SUGCT: variants seen among roughly 807,000 people sequenced by gnomAD.
SUGCT encodes the protein succinyl-CoA:glutarate CoA-transferase.
SUGCT carries 41 observed loss-of-function variants against 55.0 expected under a neutral mutation model. That is an observed-to-expected ratio of 0.74 (90% CI 0.58 to 0.97). SUGCT has a LOEUF of 0.97. Among genes scored for constraint, SUGCT ranks in the 50% least tolerant of loss-of-function variants. The pLI, the probability that SUGCT is intolerant of heterozygous loss-of-function variation, is 0.00. For synonymous variants in SUGCT, 187 were observed against 200.4 expected, an observed-to-expected ratio of 0.93 and a Z score of 0.56; for missense variants, 568 against 547.8, an observed-to-expected ratio of 1.04 and a Z score of -0.37.
At chr7:40,975,517 C>T in the SUGCT span, among the ~76,000 whole-genome samples, 6 of 152,178 alleles carry the variant, frequency 3.9e-5, no homozygotes, top group East Asian at 9.6e-4. Context: ...GTATATGATA[C>T]AAATACTAGA....
At chr7:40,139,457 C>T (rs1361388885) in intron 1 of SUGCT, among the ~76,000 whole-genome samples, 2 of 152,226 alleles carry the variant, frequency 1.3e-5, no homozygotes, top group African/African-American at 4.8e-5. Context: ...CTCAGCCTTC[C>T]AAAGTGCTGG....
At position 40,592,919 on chromosome 7, in the gene SUGCT, T is replaced by A. The variant is rs530652927; in HGVS notation, c.1089+96533T>A. On this transcript the variant is annotated intron_variant, in intron 12 of 13. Transcript: ENST00000335693. ...TCAGTGATAAATAGTAATTTTTACA[T>A]TTTGACACTTTGCATCAAAAGGCTG... Among the ~76,000 whole-genome samples the A allele has an allele frequency of 7.9e-5, 12 of 152,306 alleles. 1 individual carries two copies. The South Asian group carries it at 2.5e-3, about 32-fold the overall frequency.
At chr7:40,288,765 A>T (rs1562648814) in intron 8 of SUGCT, among the ~76,000 whole-genome samples, 1 of 152,038 alleles carries the variant, frequency 6.6e-6, no homozygotes, top group Non-Finnish European at 1.5e-5. Context: ...CAAAATGTAA[A>T]ATTTGTATAA....
chr7:40,375,772 T>C (rs895433307), intron 9 of SUGCT, among the ~76,000 whole-genome samples: 2 of 152,236 alleles, frequency 1.3e-5, no homozygotes, highest in African/African-American at 4.8e-5. Flanking sequence ...ATGTTTACAG[T>C]AACGTACCCT....
intron 13 of SUGCT, among the ~76,000 whole-genome samples, chr7:40,852,608 ATT>A (rs60617283): frequency 7.0e-6 from 1 of 142,084 alleles, no homozygotes; most frequent in Non-Finnish European, 1.5e-5. Context: ...ACACTAGATC[ATT>A]TTTTTTTTTC....
At chr7:40,715,464 C>A (rs1455476037) in intron 12 of SUGCT, among the ~76,000 whole-genome samples, 1 of 152,130 alleles carries the variant, frequency 6.6e-6, no homozygotes, top group Non-Finnish European at 1.5e-5. Flanking sequence ...AAAGCATGCT[C>A]CATCCATCAG....
intron 13 of SUGCT, among the ~76,000 whole-genome samples, chr7:40,787,279 C>A (rs1212449825): frequency 6.6e-6 from 1 of 152,034 alleles, no homozygotes; most frequent in Non-Finnish European, 1.5e-5. Context: ...GGCCAATATC[C>A]CAAAGAGAAA....
At chr7:40,619,412 C>T (rs1278094963) in intron 12 of SUGCT, among the ~76,000 whole-genome samples, 2 of 152,112 alleles carry the variant, frequency 1.3e-5, no homozygotes, top group Non-Finnish European at 2.9e-5. Context: ...TTTTACATTG[C>T]CAAATGGCAT....
rs543518591 is a variant in SUGCT at position 40,747,245 on chromosome 7, G to A, written c.1090-2189G>A. Among the ~76,000 whole-genome samples the A allele has an allele frequency of 5.9e-5, 9 of 152,244 alleles. No homozygotes were observed. In the South Asian group the frequency reaches 1.5e-3, roughly 25 times the overall value. On this transcript the variant is annotated intron_variant, in intron 12 of 13. Transcript: ENST00000335693. Reference sequence around the variant, plus strand: ...CATCGTTGTTTAAAGAGCATCACCCGAAAAGTGGTAACCATTCCCAAAGAA... The same window carrying A: ...CATCGTTGTTTAAAGAGCATCACCCAAAAAGTGGTAACCATTCCCAAAGAA...
intron 9 of SUGCT, among the ~76,000 whole-genome samples, chr7:40,358,350 T>C (rs1797978052): frequency 6.6e-6 from 1 of 151,790 alleles, no homozygotes; most frequent in Admixed American, 6.6e-5. Flanking sequence ...GTGAGAGGAG[T>C]ATAGTAGACA....
intron 13 of SUGCT, 47 bp from the exon 14 acceptor site, chr7:40,860,269 T>C (rs757346581): frequency 1.2e-6 from 2 of 1,611,482 alleles, no homozygotes; most frequent in East Asian, 2.2e-5. Flanking sequence ...ATTAATTTCG[T>C]AGGGTTAGTC....
At chr7:40,251,966 TG>T (rs1362273340) in intron 7 of SUGCT, among the ~76,000 whole-genome samples, 1 of 151,860 alleles carries the variant, frequency 6.6e-6, no homozygotes, top group African/African-American at 2.4e-5. Context: ...TAAATAGAGA[TG>T]TTTTTGAGAA....
At chr7:40,592,924 A>G (rs1797805858) in intron 12 of SUGCT, among the ~76,000 whole-genome samples, 2 of 152,264 alleles carry the variant, frequency 1.3e-5, no homozygotes, top group African/African-American at 4.8e-5. Context: ...TTACATTTTG[A>G]CACTTTGCAT....
chr7:40,151,386 C>A (rs1484021612), intron 1 of SUGCT, among the ~76,000 whole-genome samples: 2 of 152,238 alleles, frequency 1.3e-5, no homozygotes, highest in South Asian at 4.1e-4. Flanking sequence ...ATCTGTGTGG[C>A]AGCTGGACAT....
intron 1 of SUGCT, among the ~76,000 whole-genome samples, chr7:40,157,885 G>T (rs1783972122): frequency 6.6e-6 from 1 of 152,150 alleles, no homozygotes; most frequent in Non-Finnish European, 1.5e-5. Context: ...AAGGGTTTCC[G>T]AGAGTCAAAT....
intron 9 of SUGCT, among the ~76,000 whole-genome samples, chr7:40,356,666 T>C (rs56181418): frequency 0.016 from 2,364 of 152,330 alleles, 25 homozygotes; most frequent in Non-Finnish European, 0.025. Flanking sequence ...ATACATAACT[T>C]TTTGCCACTC....
At chr7:41,007,068 A>C in the SUGCT span, among the ~76,000 whole-genome samples, 1 of 150,884 alleles carries the variant, frequency 6.6e-6, no homozygotes, top group Admixed American at 6.7e-5. Context: ...TCATTTTATT[A>C]ATATGGAAAA....
At chr7:40,348,581 T>G (rs78172975) in intron 9 of SUGCT, among the ~76,000 whole-genome samples, 112 of 152,280 alleles carry the variant, frequency 7.4e-4, no homozygotes, top group African/African-American at 2.6e-3. Context: ...ACTCACAACC[T>G]CTCCACTCCC....
intron 12 of SUGCT, among the ~76,000 whole-genome samples, chr7:40,498,463 C>T (rs1407008003): frequency 1.3e-5 from 2 of 152,094 alleles, no homozygotes; most frequent in African/African-American, 4.8e-5. Flanking sequence ...CTGCAGTCCC[C>T]CCTCCCCTTT....
Sources: gnomAD v4.1 joint callset for allele counts (sites outside exome capture counted in the v4.1 genomes callset) on GRCh38, gnomAD v4.1.1 for gene constraint, MANE v1.5 for transcripts, NCBI Gene and HGNC (gene_info 2026-07-23, HGNC 2026-07-21) for gene names.